The following NYAP2 variants were observed in gnomAD, a reference collection of about 807,000 sequenced individuals.
The protein encoded by NYAP2 is neuronal tyrosine-phosphorylated phosphoinositide-3-kinase adapter 2.
In NYAP2, 23 loss-of-function variants were observed where a neutral mutation model predicts 50.4. The observed-to-expected ratio is 0.46, with a 90% CI of 0.33 to 0.65. NYAP2 has a LOEUF of 0.65. Among genes scored for constraint, NYAP2 ranks in the 30% least tolerant of loss-of-function variants. NYAP2 has a pLI of 0.02. For missense variants in NYAP2, 885 were observed against 861.0 expected (o/e 1.03, Z -0.35); for synonymous variants, 394 against 365.2 (o/e 1.08, Z -0.90).
chr2:225,475,198 G>A (rs1690082706), intron 3 of NYAP2, among the ~76,000 whole-genome samples: 1 of 152,156 alleles, frequency 6.6e-6, no homozygotes, highest in South Asian at 2.1e-4. Context: ...ATCATCTGAA[G>A]AATGTCAACT....
intron 4 of NYAP2, among the ~76,000 whole-genome samples, chr2:225,550,156 A>C (rs1345213219): frequency 1.3e-5 from 2 of 152,206 alleles, no homozygotes; most frequent in Non-Finnish European, 2.9e-5. Flanking sequence ...GCCAGGAGGA[A>C]AAAAGTCATT....
At chr2:225,446,099 C>T (rs1430256660) in intron 3 of NYAP2, among the ~76,000 whole-genome samples, 3 of 151,368 alleles carry the variant, frequency 2.0e-5, no homozygotes, top group Non-Finnish European at 2.9e-5. Context: ...GAGAACCATT[C>T]GAACCCGGGA....
intron 3 of NYAP2, among the ~76,000 whole-genome samples, chr2:225,439,088 T>C (rs1689429969): frequency 6.6e-6 from 1 of 152,140 alleles, no homozygotes; most frequent in South Asian, 2.1e-4. Context: ...TTGAGGACTG[T>C]TTGGGGACTG....
chr2:225,512,852 T>TCTTTCTTCCTTCCTTCCTTCCTTC (rs1690852431), intron 3 of NYAP2, among the ~76,000 whole-genome samples: 1 of 123,576 alleles, frequency 8.1e-6, no homozygotes, highest in African/African-American at 3.3e-5. Context: ...TTTCTTTCTT[T>TCTTTCTTCCTTCCTTCCTTCCTTC]CTTCCTTCCT....
At chr2:225,475,244 T>C (rs1690083558) in intron 3 of NYAP2, among the ~76,000 whole-genome samples, 1 of 152,080 alleles carries the variant, frequency 6.6e-6, no homozygotes. Flanking sequence ...TTTTTTTATT[T>C]TTCTTCCTGG....
At chr2:225,537,311 CT>C (rs552335527) in intron 4 of NYAP2, among the ~76,000 whole-genome samples, 98 of 152,110 alleles carry the variant, frequency 6.4e-4, no homozygotes, top group African/African-American at 2.2e-3. Flanking sequence ...CGGTATCTCA[CT>C]TTTTTTTATG....
intron 3 of NYAP2, among the ~76,000 whole-genome samples, chr2:225,441,979 C>G (rs1409450233): frequency 6.6e-6 from 1 of 152,198 alleles, no homozygotes; most frequent in African/African-American, 2.4e-5. Flanking sequence ...ATCATCATCA[C>G]CATCCTCATT....
At chr2:225,536,183 C>T (rs1269875921) in intron 4 of NYAP2, among the ~76,000 whole-genome samples, 1 of 152,178 alleles carries the variant, frequency 6.6e-6, no homozygotes, top group Non-Finnish European at 1.5e-5. Flanking sequence ...AAGGCTACCC[C>T]TCAGTTGAAC....
rs114019718 is a variant in NYAP2, at chr2:225,467,133, A to C, written c.222-46238A>C. ...TGGCCTGTCAGTGCTTGGGAGGAGA[A>C]CATGCGCAGTGTGTTTACCGGAGTT... On this transcript the variant is annotated intron_variant, in intron 3 of 6. Transcript: ENST00000636099. Among the ~76,000 whole-genome samples, 819 of 152,168 alleles carry C rather than the reference A, an allele frequency of 5.4e-3. 8 individuals are homozygous for C. Among genetic ancestry groups the C allele is most frequent in the African/African-American group, 0.019 (772 of 41,502 alleles).
intron 4 of NYAP2, among the ~76,000 whole-genome samples, chr2:225,523,649 G>C (rs1691104678): frequency 6.6e-6 from 1 of 151,934 alleles, no homozygotes; most frequent in Non-Finnish European, 1.5e-5. Context: ...AAGCAATCTA[G>C]AGATTTGACA....
intron 2 of NYAP2, among the ~76,000 whole-genome samples, chr2:225,404,415 G>GT (rs1694907637): frequency 6.6e-6 from 1 of 151,964 alleles, no homozygotes; most frequent in Non-Finnish European, 1.5e-5. Context: ...ATAATGGGTA[G>GT]TTTTATTTCA....
chr2:225,439,842 A>C (rs750386224), intron 3 of NYAP2, among the ~76,000 whole-genome samples: 1 of 152,212 alleles, frequency 6.6e-6, no homozygotes, highest in Non-Finnish European at 1.5e-5. Context: ...GAGTGGAAAC[A>C]GAACTCCCAT....
intron 3 of NYAP2, among the ~76,000 whole-genome samples, chr2:225,455,522 G>A (rs1689726214): frequency 6.6e-6 from 1 of 152,046 alleles, no homozygotes; most frequent in African/African-American, 2.4e-5. Context: ...ATTGTCAATG[G>A]GCAGGATAGG....
chr2:225,557,606 A>G (rs1691802487), intron 4 of NYAP2, among the ~76,000 whole-genome samples: 1 of 152,188 alleles, frequency 6.6e-6, no homozygotes, highest in African/African-American at 2.4e-5. Context: ...AACATTAAAT[A>G]GTTGGTGAGG....
chr2:225,644,479 C>T (rs1693593317), intron 6 of NYAP2, among the ~76,000 whole-genome samples: 2 of 151,686 alleles, frequency 1.3e-5, no homozygotes, highest in Admixed American at 1.3e-4. Flanking sequence ...ACTTTTGTTG[C>T]CATTGCTTTT....
intron 4 of NYAP2, among the ~76,000 whole-genome samples, chr2:225,515,917 G>C (rs768822992): frequency 6.6e-6 from 1 of 152,200 alleles, no homozygotes; most frequent in Non-Finnish European, 1.5e-5. Flanking sequence ...CACCCAAAGA[G>C]AGAAGAGAGA....
intron 5 of NYAP2, among the ~76,000 whole-genome samples, chr2:225,593,639 A>G (rs749953086): frequency 2.6e-5 from 4 of 152,160 alleles, no homozygotes; most frequent in South Asian, 2.1e-4. Flanking sequence ...GATTCTCTCT[A>G]TTGAAACAAA....
At chr2:225,516,330 G>T (rs1244548045) in intron 4 of NYAP2, among the ~76,000 whole-genome samples, 1 of 152,162 alleles carries the variant, frequency 6.6e-6, no homozygotes, top group South Asian at 2.1e-4. Context: ...AGTAGCAAAT[G>T]TGGTTGAACT....
At chr2:225,409,434 T>C (rs1291826582) in intron 3 of NYAP2, among the ~76,000 whole-genome samples, 2 of 152,046 alleles carry the variant, frequency 1.3e-5, no homozygotes, top group African/African-American at 2.4e-5. Flanking sequence ...TAGCCCAAGA[T>C]TGATGAAAAT....
Sources: allele counts gnomAD v4.1 joint callset (sites outside exome capture counted in the v4.1 genomes callset), GRCh38; gene constraint gnomAD v4.1.1; transcripts MANE v1.5; gene names NCBI Gene and HGNC (gene_info 2026-07-23, HGNC 2026-07-21).